Variants in CLN3 observed in about 807,000 individuals in gnomAD.
The protein encoded by CLN3 is battenin.
A neutral mutation model predicts 60.7 loss-of-function variants in CLN3; 49 were observed. The ratio of observed to expected loss-of-function variants is 0.81; its 90% CI spans 0.64 to 1.02. The LOEUF is 1.02. Among genes scored for constraint, CLN3 ranks in the 50% least tolerant of loss-of-function variants. CLN3 has a pLI of 0.00. For missense variants in CLN3, 516 were observed against 557.4 expected (o/e 0.93, Z 0.75); for synonymous variants, 256 against 245.8 (o/e 1.04, Z -0.39).
At chr16:28,475,280 T>A (rs908252938), downstream of CLN3, 1 of 152,086 alleles carries the variant, frequency 6.6e-6, no homozygotes, top group African/African-American at 2.4e-5. Flanking sequence ...AAACAAGGCC[T>A]CCAGTACACA....
rs2141704251 is a variant in CLN3 at position 28,482,670 on chromosome 16, A to C, written c.793T>G (p.Ser265Ala). 6.2e-7 allele frequency: 1 copy of C among 1,614,174 alleles called. No homozygotes were observed. The highest frequency in any genetic ancestry group is 1.7e-5 in the Admixed American group (1 of 60,008). ...TCCCGAAGGGAGAGGCTGGAGCTGGAGCCTGCAGGGGAACAGAGAGAGAAG... is the reference window on the plus strand; with the variant it reads ...TCCCGAAGGGAGAGGCTGGAGCTGGCGCCTGCAGGGGAACAGAGAGAGAAG... ...RTEAPESKPG[S>A]SSSLSLRERW... is the part of the protein sequence containing the mutation. The change falls in exon 11 of 16, where the codon TCC becomes GCC. Residue 265 changes from serine to alanine, a missense_variant and splice_region_variant. Ser to Ala is a moderately conservative substitution (Grantham distance 99). Coordinates refer to ENST00000636147, the MANE Select transcript of CLN3 (RefSeq NM_001042432.2).
intron 10 of CLN3, among the ~76,000 whole-genome samples, chr16:28,483,502 A>G (rs34836): frequency 0.51 from 76,491 of 150,670 alleles, 20,115 homozygotes; most frequent in African/African-American, 0.63. Context: ...GATTACAGGT[A>G]TGAACCACCA....
Position 28,482,142 on chromosome 16 carries a change from C to T in CLN3, c.1019G>A (p.Cys340Tyr), listed in dbSNP as rs1174122334. Residue 340 changes from cysteine to tyrosine, a missense_variant, in exon 14 of 16, where the codon TGT (cysteine) becomes TAT (tyrosine). Coordinates refer to ENST00000636147, the MANE Select transcript of CLN3 (RefSeq NM_001042432.2). ...CAGGGCCCAGGTGAAACGGATGCGA[C>T]AGCAGCGGAGAGAAGAGCGGGAGGC... The part of the protein sequence containing the change: ...VFASRSSLRC[C>Y]RIRFTWALAL... 1.2e-6 allele frequency: 2 copies of T among 1,613,732 alleles called. No individual in the cohort carries two copies. The highest frequency in any genetic ancestry group is 1.7e-5 in the Admixed American group (1 of 59,934).
chr16:28,490,486 C>T lies in CLN3; in HGVS notation c.125+996G>A, dbSNP rs1412098984. ...AAAAAAAAAAAAAAAAAAAGCTGGG[C>T]GCGGTGGCTCACACCTGTAATCCCA... is the stretch of plus-strand genomic sequence containing the variant. On this transcript the variant is annotated intron_variant, in intron 3 of 15. Transcript: ENST00000636147. The T allele has an allele frequency of 4.9e-5, 7 of 144,238 alleles. No homozygotes were observed. In the South Asian group the frequency reaches 8.7e-4, roughly 18 times the overall value. 8.9% of individuals were successfully genotyped at this position (144,238 alleles called of 1,614,324 possible). A position where few individuals can be genotyped will look rare whatever the true frequency, so the allele number is the denominator to read the frequency against.
intron 3 of CLN3, 25 bp downstream of exon 3, chr16:28,491,457 C>T: frequency 6.2e-7 from 1 of 1,611,864 alleles, no homozygotes; most frequent in Non-Finnish European, 8.5e-7. Context: ...GCCATTGTCA[C>T]TCGCTGAAGT....
chr16:28,474,712 C>T (rs1475475587), downstream of CLN3, among the ~76,000 whole-genome samples: 3 of 152,154 alleles, frequency 2.0e-5, no homozygotes, highest in Non-Finnish European at 4.4e-5. Flanking sequence ...AAACATGTGT[C>T]CACACAAAAA....
rs1397086223 is a variant in CLN3, at chr16:28,487,455, C to T, written c.460+1G>A. On this transcript the variant is annotated splice_donor_variant, in intron 7 of 15. Transcript: ENST00000636147. LOFTEE classifies it high-confidence loss of function. ...CATCTGACACAGAACCACACACTCACCACACAGGCTGGTCCCCACAGAATG... is the reference window on the plus strand; with the variant it reads ...CATCTGACACAGAACCACACACTCATCACACAGGCTGGTCCCCACAGAATG... 6.2e-7 allele frequency: 1 copy of T among 1,613,270 alleles called. No homozygotes were observed. The highest frequency in any genetic ancestry group is 8.5e-7 in the Non-Finnish European group (1 of 1,179,236).
intron 9 of CLN3, 35 bp downstream of exon 9, chr16:28,486,312 T>C (rs1456052341): frequency 6.2e-7 from 1 of 1,610,654 alleles, no homozygotes; most frequent in East Asian, 2.2e-5. Flanking sequence ...TTTCTCTCCT[T>C]GGACCCCTCT....
downstream of CLN3, chr16:28,469,628 G>T (rs375236376): frequency 2.2e-5 from 6 of 267,858 alleles, no homozygotes; most frequent in East Asian, 1.2e-4. Context: ...AAATAATGTA[G>T]ATCTTGAAAG....
At chr16:28,487,309 C>G in intron 7 of CLN3, 147 bp downstream of exon 7, 2 of 728,966 alleles carry the variant, frequency 2.7e-6, no homozygotes, top group Non-Finnish European at 2.5e-6. Context: ...GTCCCAGTCT[C>G]CCATCGCCTA....
At chr16:28,474,744 A>G (rs1158794730), downstream of CLN3, among the ~76,000 whole-genome samples, 2 of 152,230 alleles carry the variant, frequency 1.3e-5, no homozygotes, top group Non-Finnish European at 2.9e-5. Context: ...CATTTATAGC[A>G]GCATGATTCA....
chr16:28,486,550 C>A, intron 8 of CLN3, 28 bp downstream of exon 8: 1 of 1,607,736 alleles, frequency 6.2e-7, no homozygotes, highest in Non-Finnish European at 8.5e-7. Flanking sequence ...GACAGCCTCT[C>A]CCCACACTCC....
chr16:28,491,597 T>C lies in CLN3; in HGVS notation c.47-37A>G, dbSNP rs199577977. 37 of 1,613,582 alleles carry C rather than the reference T, an allele frequency of 2.3e-5. No individual in the cohort carries two copies. The African/African-American group carries it at 3.9e-4, about 17-fold the overall frequency. On this transcript the variant is annotated intron_variant, in intron 2 of 15. Coordinates refer to ENST00000636147, the MANE Select transcript of CLN3 (RefSeq NM_001042432.2). ...AGAAGAGGGCATGACCCCCACCTAC[T>C]CTCAGGTGCACGACCGCTCCTTGCG...
Position 28,486,360 on chromosome 16 carries a change from G to A in CLN3, c.664C>T (p.Leu222=), listed in dbSNP as rs1177628979. ...TLLSMLGIPA[L]LLASYFLLLT... is the part of the protein sequence containing the mutation. ...AGGGCAGCTCACCTGGCCAGCAGCA[G>A]GGCAGGGATACCCAGCATGGACAGC... is the stretch of plus-strand genomic sequence containing the variant. Residue 222 remains leucine (L), a synonymous_variant, in exon 9 of 16, where the codon CTG becomes TTG. Transcript: ENST00000636147. 6.2e-7 allele frequency: 1 copy of A among 1,612,374 alleles called. No individual in the cohort carries two copies. Among genetic ancestry groups the A allele is most frequent in the Non-Finnish European group, 8.5e-7 (1 of 1,180,006 alleles).
chr16:28,472,630 C>G (rs539737490), downstream of CLN3, among the ~76,000 whole-genome samples: 2 of 150,502 alleles, frequency 1.3e-5, no homozygotes, highest in East Asian at 2.0e-4. Context: ...CACTTGAGGT[C>G]AGGAGTTTGA....
rs762257089 is a variant in CLN3, at chr16:28,491,700, G to A, written c.46+14C>T. 2.0e-5 allele frequency: 33 copies of A among 1,614,032 alleles called. No homozygotes were observed. The South Asian group carries it at 3.6e-4, about 18-fold the overall frequency. ...AGAGGTGGTCGTTCCATGAGGGTGG[G>A]CGGGAATACTCACCCTCGGAATCCG... On this transcript the variant is annotated intron_variant, in intron 2 of 15. Transcript: ENST00000636147.
intron 6 of CLN3, 38 bp from the exon 7 acceptor site, chr16:28,487,579 T>G (rs1386512368): frequency 1.9e-6 from 3 of 1,600,418 alleles, no homozygotes; most frequent in Non-Finnish European, 1.7e-6. Flanking sequence ...GGAAGGTCGG[T>G]CTCTACTCTC....
downstream of CLN3, chr16:28,469,589 A>G (rs1243072764): frequency 8.7e-6 from 2 of 228,680 alleles, no homozygotes; most frequent in Non-Finnish European, 1.8e-5. Flanking sequence ...CAAGGGAGAA[A>G]CTGTCTCAAA....
At chr16:28,473,376 G>T (rs1473060435), downstream of CLN3, among the ~76,000 whole-genome samples, 1 of 151,730 alleles carries the variant, frequency 6.6e-6, no homozygotes, top group African/African-American at 2.4e-5. Flanking sequence ...GAGCCACCAC[G>T]CCCGGCCTCC....
Sources: allele counts gnomAD v4.1 joint callset (sites outside exome capture counted in the v4.1 genomes callset), GRCh38; gene constraint gnomAD v4.1.1; transcripts MANE v1.5; gene names NCBI Gene and HGNC (gene_info 2026-07-23, HGNC 2026-07-21).